Variants in KRT8 observed in about 807,000 individuals in gnomAD.
KRT8 encodes the protein keratin 8.
KRT8 carries 24 observed loss-of-function variants against 43.0 expected under a neutral mutation model. That is an observed-to-expected ratio of 0.56 (90% CI 0.40 to 0.78). The LOEUF is 0.78. KRT8 is among the 30% of genes least tolerant of loss of function. The pLI is 0.00. For missense variants in KRT8, 492 were observed against 638.4 expected (o/e 0.77, Z 2.47); for synonymous variants, 214 against 261.2 (o/e 0.82, Z 1.74).
intron 2 of KRT8, among the ~76,000 whole-genome samples, chr12:52,931,253 G>C (rs905568698): frequency 2.0e-5 from 3 of 151,912 alleles, no homozygotes; most frequent in African/African-American, 7.3e-5. Context: ...ATTTTTAGTA[G>C]AGACAGGGTT....
intron 2 of KRT8, among the ~76,000 whole-genome samples, chr12:52,918,434 A>G (rs1941820924): frequency 1.3e-5 from 2 of 152,242 alleles, no homozygotes; most frequent in South Asian, 4.2e-4. Flanking sequence ...CCGAGATGGA[A>G]AAGTGCCTAC....
At chr12:52,900,796 T>C in intron 3 of KRT8, 113 bp from the exon 4 acceptor site, 2 of 744,952 alleles carry the variant, frequency 2.7e-6, no homozygotes, top group Non-Finnish European at 4.8e-6. Flanking sequence ...TTGCCCACTT[T>C]GTGGATTGAT....
intron 2 of KRT8, among the ~76,000 whole-genome samples, chr12:52,922,479 CCTGGCCAA>C (rs1174899319): frequency 2.6e-5 from 4 of 152,276 alleles, no homozygotes; most frequent in African/African-American, 9.6e-5. Flanking sequence ...TCAAGGCCAG[CCTGGCCAA>C]CATGGCGAAA....
intron 2 of KRT8, among the ~76,000 whole-genome samples, chr12:52,928,052 C>G (rs184713366): frequency 6.6e-6 from 1 of 152,132 alleles, no homozygotes; most frequent in African/African-American, 2.4e-5. Flanking sequence ...AAGCAAGACT[C>G]TGTCTCAAAA....
chr12:52,901,784 A>G (rs1383642527), intron 2 of KRT8, 80 bp downstream of exon 2: 5 of 968,798 alleles, frequency 5.2e-6, no homozygotes, highest in Non-Finnish European at 8.4e-6. Context: ...ACAGAGGGCC[A>G]TGGGGACTTA....
intron 2 of KRT8, among the ~76,000 whole-genome samples, chr12:52,946,330 A>T (rs1161861355): frequency 2.0e-5 from 3 of 151,994 alleles, no homozygotes; most frequent in African/African-American, 4.8e-5. Flanking sequence ...AATTAAATTG[A>T]CCCCCTTTAT....
chr12:52,936,045 A>T (rs1274275748), intron 2 of KRT8, among the ~76,000 whole-genome samples: 3 of 151,846 alleles, frequency 2.0e-5, no homozygotes, highest in African/African-American at 4.8e-5. Flanking sequence ...CGAGGTCAGG[A>T]GTTCAAGACC....
chr12:52,897,265 G>A (rs749579549), exon 8 of KRT8: 1 of 716,920 alleles, frequency 1.4e-6, no homozygotes, highest in African/African-American at 1.7e-5. Context: ...CTGGAGGCAT[G>A]GGCAAGGGGG....
intron 2 of KRT8, among the ~76,000 whole-genome samples, chr12:52,931,277 C>G (rs1194210779): frequency 6.6e-6 from 1 of 151,948 alleles, no homozygotes; most frequent in Non-Finnish European, 1.5e-5. Context: ...CTGTGTTAGC[C>G]AGGATGGTCT....
chr12:52,909,228 G>T (rs1941583662), upstream of KRT8, among the ~76,000 whole-genome samples: 1 of 152,222 alleles, frequency 6.6e-6, no homozygotes, highest in South Asian at 2.1e-4. Flanking sequence ...GGGGTCAGGG[G>T]AAAGAAGCAA....
intron 2 of KRT8, among the ~76,000 whole-genome samples, chr12:52,939,378 C>G (rs1413572246): frequency 6.6e-6 from 1 of 152,008 alleles, no homozygotes; most frequent in African/African-American, 2.4e-5. Flanking sequence ...GTGGCACACG[C>G]CTTTAGTCCC....
chr12:52,903,683 C>T (rs909763750), intron 1 of KRT8: 4 of 152,378 alleles, frequency 2.6e-5, no homozygotes, highest in African/African-American at 7.2e-5. Flanking sequence ...AGGGACAGGA[C>T]GCGAGAAAGG....
chr12:52,947,700 A>AT (rs71971733), intron 2 of KRT8: 5,672 of 97,246 alleles, frequency 0.058, 590 homozygotes, highest in African/African-American at 0.18. Flanking sequence ...CTGGTCTCAA[A>AT]TTTTTTTTTT....
intron 2 of KRT8, among the ~76,000 whole-genome samples, chr12:52,945,371 AAAG>A (rs1228665347): frequency 6.6e-6 from 1 of 152,148 alleles, no homozygotes; most frequent in Non-Finnish European, 1.5e-5. Context: ...CTCAGTCTTT[AAAG>A]AAGAGGATGG....
At chr12:52,908,335 T>C (rs973403006), upstream of KRT8, among the ~76,000 whole-genome samples, 2 of 152,222 alleles carry the variant, frequency 1.3e-5, no homozygotes, top group Non-Finnish European at 2.9e-5. Flanking sequence ...TGAACAAGTT[T>C]TGCTTAGAGA....
At chr12:52,913,863 G>A (rs1447330076) in intron 2 of KRT8, among the ~76,000 whole-genome samples, 2 of 152,178 alleles carry the variant, frequency 1.3e-5, no homozygotes, top group Non-Finnish European at 1.5e-5. Flanking sequence ...CACGGTTACA[G>A]GTTTGTTTGT....
chr12:52,902,824 C>T (rs1407432277), intron 1 of KRT8, among the ~76,000 whole-genome samples: 1 of 152,028 alleles, frequency 6.6e-6, no homozygotes, highest in Non-Finnish European at 1.5e-5. Flanking sequence ...CCAGCCTGGC[C>T]AACATATTGA....
At chr12:52,938,170 A>ATATATTT (rs1555189967) in intron 2 of KRT8, among the ~76,000 whole-genome samples, 1 of 30,318 alleles carries the variant, frequency 3.3e-5, no homozygotes, top group East Asian at 1.1e-3. Context: ...ATATATATAT[A>ATATATTT]TTTTTTTTTT....
chr12:52,924,198 C>T (rs1039320064), intron 2 of KRT8, among the ~76,000 whole-genome samples: 4 of 151,990 alleles, frequency 2.6e-5, no homozygotes, highest in African/African-American at 4.8e-5. Flanking sequence ...CCTGTAATCC[C>T]GGCACTTTGG....
Sources: allele counts gnomAD v4.1 joint callset (sites outside exome capture counted in the v4.1 genomes callset), GRCh38; gene constraint gnomAD v4.1.1; transcripts MANE v1.5; gene names NCBI Gene and HGNC (gene_info 2026-07-23, HGNC 2026-07-21).